IL1RAPL1: variants seen among roughly 807,000 people sequenced by gnomAD.
IL1RAPL1 encodes interleukin 1 receptor accessory protein like 1, also known as interleukin-1 receptor accessory protein-like 1.
IL1RAPL1 carries 3 observed loss-of-function variants against 48.4 expected under a neutral mutation model. That is an observed-to-expected ratio of 0.06 (90% CI 0.03 to 0.16). The LOEUF is 0.16. IL1RAPL1 is among the 10% of genes least tolerant of loss of function. IL1RAPL1 has a pLI of 1.00. For missense variants in IL1RAPL1, 349 were observed against 530.6 expected, an observed-to-expected ratio of 0.66 and a Z score of 3.36; for synonymous variants, 185 against 187.7, an observed-to-expected ratio of 0.99 and a Z score of 0.12.
intron 5 of IL1RAPL1, among the ~76,000 whole-genome samples, chrX:29,610,579 C>T (rs1373631009): frequency 8.9e-6 from 1 of 112,326 alleles, no homozygotes; most frequent in East Asian, 2.8e-4. Context: ...AATGTATTCT[C>T]ACCAAAAGAT....
chrX:28,879,635 T>C (rs1427679089), intron 2 of IL1RAPL1, among the ~76,000 whole-genome samples: 1 of 111,976 alleles, frequency 8.9e-6, no homozygotes, highest in Non-Finnish European at 1.9e-5. Context: ...GCATGATATA[T>C]GTCAAATATA....
intron 2 of IL1RAPL1, among the ~76,000 whole-genome samples, chrX:29,148,155 A>G (rs1209901314): frequency 8.9e-6 from 1 of 112,055 alleles, no homozygotes; most frequent in African/African-American, 3.2e-5. Context: ...ACAGTCATAT[A>G]TACATACATA....
At chrX:28,695,429 A>C (rs1211219190) in intron 1 of IL1RAPL1, among the ~76,000 whole-genome samples, 1 of 111,305 alleles carries the variant, frequency 9.0e-6, no homozygotes, top group Non-Finnish European at 1.9e-5. Context: ...TTAACACCCC[A>C]TAGATCCATT....
rs200641949 is a variant in IL1RAPL1, at chrX:29,602,427, C to CA, written c.704-65996dup. On this transcript the variant is annotated intron_variant, in intron 5 of 10. Transcript: ENST00000378993. ...GCTCTTGATTATTCTCTTAAAAATACAAAAAAATACAAAAATAAAAATAAA... is the reference window on the plus strand; with the variant it reads ...GCTCTTGATTATTCTCTTAAAAATACAAAAAAAATACAAAAATAAAAATAAA... 6.2e-4 allele frequency among the ~76,000 whole-genome samples: 68 copies of CA among 110,466 alleles called. 1 individual carries two copies. Among genetic ancestry groups the CA allele is most frequent in the African/African-American group, 1.7e-3 (52 of 30,512 alleles).
intron 3 of IL1RAPL1, among the ~76,000 whole-genome samples, chrX:29,307,631 T>C (rs984097912): frequency 1.9e-5 from 2 of 104,783 alleles, no homozygotes; most frequent in African/African-American, 6.9e-5. Flanking sequence ...AAGTTTATTT[T>C]GATAAGTGGA....
rs189701950 is a variant in IL1RAPL1 at position 28,691,230 on chromosome X, A to G, written c.-24-98090A>G. The stretch of plus-strand genomic sequence containing the variant: ...CTGGCCTCACCAACTTCTTTAAGTC[A>G]TTTATAAGTGTCAGTCCTTCCCAAC... On this transcript the variant is annotated intron_variant, in intron 1 of 10. Coordinates refer to ENST00000378993, the MANE Select transcript of IL1RAPL1 (RefSeq NM_014271.4). Among the ~76,000 whole-genome samples, 395 of 110,778 alleles carry G rather than the reference A, an allele frequency of 3.6e-3. 4 individuals carry two copies. Among genetic ancestry groups the G allele is most frequent in the Non-Finnish European group, 5.4e-3 (288 of 52,963 alleles).
At chrX:28,932,722 T>A (rs1923917003) in intron 2 of IL1RAPL1, among the ~76,000 whole-genome samples, 1 of 102,464 alleles carries the variant, frequency 9.8e-6, no homozygotes, top group Admixed American at 1.1e-4. Flanking sequence ...TTTTTACATT[T>A]TAGCTTATTT....
chrX:29,766,689 T>TAA (rs1225084450), intron 6 of IL1RAPL1, among the ~76,000 whole-genome samples: 7 of 49,104 alleles, frequency 1.4e-4, no homozygotes, highest in African/African-American at 1.1e-3. Context: ...ATATAAAGTA[T>TAA]ATATTAATAT....
chrX:28,764,493 A>G, intron 1 of IL1RAPL1, among the ~76,000 whole-genome samples: 1 of 111,677 alleles, frequency 9.0e-6, no homozygotes, highest in Non-Finnish European at 1.9e-5. Context: ...ACCTGAGGTC[A>G]GGAGTTTGAG....
chrX:28,969,437 G>A (rs1446852060), intron 2 of IL1RAPL1, among the ~76,000 whole-genome samples: 2 of 107,718 alleles, frequency 1.9e-5, no homozygotes, highest in Non-Finnish European at 3.8e-5. Context: ...TCAAGACATT[G>A]TTAGAAGCCA....
At chrX:29,547,101 T>C (rs932681739) in intron 5 of IL1RAPL1, among the ~76,000 whole-genome samples, 13 of 111,964 alleles carry the variant, frequency 1.2e-4, no homozygotes, top group African/African-American at 4.2e-4. Flanking sequence ...CCTTTTCATT[T>C]TGAAAATTGA....
At position 29,669,708 on chromosome X, in the gene IL1RAPL1, C is replaced by T. The variant is rs189482549; in HGVS notation, c.778+1204C>T. Among the ~76,000 whole-genome samples, 128 of 111,100 alleles carry T rather than the reference C, an allele frequency of 1.2e-3. 1 individual carries two copies. The highest frequency in any genetic ancestry group is 6.4e-4 in the Non-Finnish European group (34 of 52,762). On this transcript the variant is annotated intron_variant, in intron 6 of 10. Transcript: ENST00000378993. ...TGTTAATATCTTTCTTTGATTCAAG[C>T]CTTTTGAATTAATGTCATATAAATG...
chrX:29,836,763 A>G (rs1476485743), intron 6 of IL1RAPL1, among the ~76,000 whole-genome samples: 5 of 110,776 alleles, frequency 4.5e-5, no homozygotes, highest in East Asian at 5.7e-4. Context: ...TTTCTGCACT[A>G]TTGTTTAAGT....
chrX:28,638,079 A>G (rs1345907381), intron 1 of IL1RAPL1, among the ~76,000 whole-genome samples: 2 of 112,114 alleles, frequency 1.8e-5, no homozygotes, highest in Non-Finnish European at 3.8e-5. Flanking sequence ...AGGACATAAA[A>G]TAACCCACTT....
chrX:29,360,099 C>A (rs1276383138), intron 3 of IL1RAPL1, among the ~76,000 whole-genome samples: 1 of 111,670 alleles, frequency 9.0e-6, no homozygotes, highest in East Asian at 2.8e-4. Context: ...TTGTTTTGTT[C>A]TTCTTTTCTC....
Position 29,591,361 on chromosome X carries a change from G to C in IL1RAPL1, c.704-77069G>C, listed in dbSNP as rs146664321. Among the ~76,000 whole-genome samples the C allele has an allele frequency of 2.1e-3, 232 of 112,606 alleles. 3 individuals carry two copies. In the East Asian group the frequency reaches 0.059, roughly 29 times the overall value. ...TGGCAAAAAAGACTTCTGCGATTCA[G>C]ACAAGCACTTCTTCCAAAGAGCTCT... is the stretch of plus-strand genomic sequence containing the variant. On this transcript the variant is annotated intron_variant, in intron 5 of 10. Coordinates refer to ENST00000378993, the MANE Select transcript of IL1RAPL1 (RefSeq NM_014271.4).
At chrX:29,933,849 C>T (rs762600173) in intron 8 of IL1RAPL1, among the ~76,000 whole-genome samples, 4 of 110,277 alleles carry the variant, frequency 3.6e-5, no homozygotes, top group African/African-American at 6.6e-5. Context: ...TGACTTGGAA[C>T]GAGTGGTCAG....
intron 2 of IL1RAPL1, among the ~76,000 whole-genome samples, chrX:28,828,529 C>T (rs1920986715): frequency 9.0e-6 from 1 of 111,442 alleles, no homozygotes; most frequent in South Asian, 3.7e-4. Flanking sequence ...TCTTGTTAGC[C>T]ATATCAAAAA....
At chrX:29,626,238 G>T (rs1325511812) in intron 5 of IL1RAPL1, among the ~76,000 whole-genome samples, 1 of 112,105 alleles carries the variant, frequency 8.9e-6, no homozygotes, top group African/African-American at 3.2e-5. Flanking sequence ...AGTCTTCAAT[G>T]CCTGCTATTT....
Sources: allele counts gnomAD v4.1 joint callset (sites outside exome capture counted in the v4.1 genomes callset), GRCh38; gene constraint gnomAD v4.1.1; transcripts MANE v1.5; gene names NCBI Gene and HGNC (gene_info 2026-07-23, HGNC 2026-07-21).